SIPA1L3: variants seen among roughly 807,000 people sequenced by gnomAD.
The protein encoded by SIPA1L3 is signal-induced proliferation-associated 1-like protein 3.
SIPA1L3 carries 59 observed loss-of-function variants against 150.1 expected under a neutral mutation model. The ratio of observed to expected loss-of-function variants is 0.39; its 90% confidence interval spans 0.32 to 0.49. The LOEUF (loss-of-function observed/expected upper bound fraction) is 0.49, where lower values mean the gene tolerates loss of function less well. SIPA1L3 is among the 20% of genes least tolerant of loss of function. The pLI is 0.86. For synonymous variants in SIPA1L3, 1,070 were observed against 1,077.6 expected (o/e 0.99, Z 0.14); for missense variants, 2,211 against 2,489.5 (o/e 0.89, Z 2.38).
At chr19:38,120,698 A>C (rs928972207) in intron 9 of SIPA1L3, among the ~76,000 whole-genome samples, 2 of 152,224 alleles carry the variant, frequency 1.3e-5, no homozygotes, top group African/African-American at 4.8e-5. Flanking sequence ...CTCACAGTCT[A>C]GGTAGAAATC....
At chr19:38,108,121 T>C (rs1035559349) in intron 7 of SIPA1L3, among the ~76,000 whole-genome samples, 15 of 152,170 alleles carry the variant, frequency 9.9e-5, no homozygotes, top group African/African-American at 2.9e-4. Context: ...CTGTGTAAAA[T>C]GGGTATAATC....
chr19:38,088,977 A>G (rs1039450833), intron 4 of SIPA1L3, 126 bp downstream of exon 4: 3 of 982,370 alleles, frequency 3.1e-6, no homozygotes, highest in African/African-American at 3.3e-5. Flanking sequence ...CGGGAGAGCA[A>G]TCCTGTTAGT....
rs142462935 is a variant in SIPA1L3 at position 38,101,136 on chromosome 19, G to A, written c.1939G>A (p.Gly647Ser). 27 of 1,609,322 alleles carry A rather than the reference G, an allele frequency of 1.7e-5. No individual in the cohort carries two copies. Among genetic ancestry groups the A allele is most frequent in the South Asian group, 5.5e-5 (5 of 90,206 alleles). The change falls in exon 6 of 22, where the codon GGC becomes AGC. Residue 647 changes from glycine (G) to serine (S), a missense_variant. Physicochemically the swap from Gly to Ser is moderately conservative, Grantham distance 56. This residue lies in a region of SIPA1L3 where 625 missense variants were observed against 804.2 expected (regional missense o/e 0.78). Coordinates refer to ENST00000222345, the MANE Select transcript of SIPA1L3 (RefSeq NM_015073.3). Reference sequence around the variant, plus strand: ...GGAGATGTACAACAATGAGGAGGCCGGCCCCGCCTTTGAGGAGTTCCTCTC... The same window carrying A: ...GGAGATGTACAACAATGAGGAGGCCAGCCCCGCCTTTGAGGAGTTCCTCTC... Reference protein sequence around the residue: ...EEEMYNNEEAGPAFEEFLSLI... With the variant: ...EEEMYNNEEASPAFEEFLSLI...
At chr19:37,941,542 A>T (rs773461638) in intron 1 of SIPA1L3, among the ~76,000 whole-genome samples, 11 of 149,558 alleles carry the variant, frequency 7.4e-5, no homozygotes, top group Non-Finnish European at 1.2e-4. Flanking sequence ...ACCACTGCTC[A>T]TACCCTGTCC....
chr19:38,118,791 C>CATA (rs1568559283), intron 8 of SIPA1L3, among the ~76,000 whole-genome samples: 1 of 152,110 alleles, frequency 6.6e-6, no homozygotes, highest in Non-Finnish European at 1.5e-5. Flanking sequence ...GCCTCAGCCT[C>CATA]CCAAAGTGCT....
chr19:38,044,112 C>T lies in SIPA1L3; in HGVS notation c.-311+14956C>T, dbSNP rs578091884. 1.7e-4 allele frequency among the ~76,000 whole-genome samples: 26 copies of T among 152,206 alleles called. No individual in the cohort carries two copies. In the East Asian group the frequency reaches 2.9e-3, roughly 17 times the overall value. On this transcript the variant is annotated intron_variant, in intron 2 of 21. Coordinates refer to ENST00000222345, the MANE Select transcript of SIPA1L3 (RefSeq NM_015073.3). ...GAGAAAGAGAGGGGGCTAGGATGAC[C>T]CTGAGGTTTGGGCCTGGACACCAGC...
chr19:38,133,350 C>T (rs779739364), intron 10 of SIPA1L3, among the ~76,000 whole-genome samples: 5 of 152,228 alleles, frequency 3.3e-5, no homozygotes, highest in African/African-American at 1.2e-4. Context: ...TTCTGTCATT[C>T]CTTCTTCATA....
chr19:38,058,013 A>G (rs1969362245), intron 2 of SIPA1L3, among the ~76,000 whole-genome samples: 1 of 151,912 alleles, frequency 6.6e-6, no homozygotes, highest in Non-Finnish European at 1.5e-5. Flanking sequence ...AGGGATCACC[A>G]CTGGGAACAT....
intron 1 of SIPA1L3, among the ~76,000 whole-genome samples, chr19:37,974,506 C>T (rs539199286): frequency 7.8e-5 from 11 of 141,476 alleles, no homozygotes; most frequent in African/African-American, 2.5e-4. Context: ...AGAGTGAGAC[C>T]GTGTCTCAAA....
chr19:38,101,092 C>G lies in SIPA1L3; in HGVS notation c.1895C>G (p.Ala632Gly). Residue 632 changes from alanine to glycine, a missense_variant, in exon 6 of 22, where the codon GCC (alanine) becomes GGC (glycine). Around this residue, in one of 5 missense-constraint regions of SIPA1L3, gnomAD observed 625 missense variants for 804.2 expected, o/e 0.78. Transcript: ENST00000222345. ...AAGGTGGGCATCCTCTATTGCAAGG[C>G]CGGCCAGAGCTCCGAGGAGGAGATG... Reference protein sequence around the residue: ...KHKVGILYCKAGQSSEEEMYN... With the variant: ...KHKVGILYCKGGQSSEEEMYN... 6.3e-7 allele frequency: 1 copy of G among 1,595,834 alleles called. No individual in the cohort carries two copies. The highest frequency in any genetic ancestry group is 1.1e-5 in the South Asian group (1 of 88,938).
intron 1 of SIPA1L3, among the ~76,000 whole-genome samples, chr19:37,944,292 A>G (rs1396598803): frequency 2.6e-5 from 4 of 151,424 alleles, no homozygotes. Context: ...AAAAAAAAAA[A>G]GCATGAAGAT....
intron 1 of SIPA1L3, among the ~76,000 whole-genome samples, chr19:37,924,065 C>T (rs2046480160): frequency 6.6e-6 from 1 of 152,222 alleles, no homozygotes; most frequent in African/African-American, 2.4e-5. Context: ...TGAGCCGCTG[C>T]ACCTGGCCTT....
intron 2 of SIPA1L3, among the ~76,000 whole-genome samples, chr19:38,050,108 A>G (rs1969155171): frequency 6.6e-6 from 1 of 152,210 alleles, no homozygotes; most frequent in African/African-American, 2.4e-5. Context: ...TAATAGTAGT[A>G]TCTATATTGT....
intron 1 of SIPA1L3, among the ~76,000 whole-genome samples, chr19:37,927,650 AT>A (rs2046516238): frequency 1.0e-5 from 1 of 96,570 alleles, no homozygotes; most frequent in Non-Finnish European, 2.0e-5. Flanking sequence ...GAATAAGAAC[AT>A]GGGGTGTGTG....
chr19:38,012,252 A>G (rs541117099), intron 1 of SIPA1L3, among the ~76,000 whole-genome samples: 8 of 151,566 alleles, frequency 5.3e-5, no homozygotes, highest in African/African-American at 1.7e-4. Context: ...TGTCCAGCTG[A>G]TATTTTTTTT....
At chr19:38,182,762 G>A (rs1972587647) in intron 16 of SIPA1L3, 22 bp downstream of exon 16, 7 of 1,574,780 alleles carry the variant, frequency 4.4e-6, no homozygotes, top group African/African-American at 1.4e-5. Flanking sequence ...GACGTCCAGC[G>A]AGGCGCCCGC....
At chr19:38,125,682 C>A (rs944918408) in intron 9 of SIPA1L3, among the ~76,000 whole-genome samples, 11 of 152,184 alleles carry the variant, frequency 7.2e-5, no homozygotes, top group African/African-American at 2.7e-4. Flanking sequence ...GAAGCACCCA[C>A]AGGGTACAGA....
At chr19:37,914,431 A>G (rs2046400106) in intron 1 of SIPA1L3, among the ~76,000 whole-genome samples, 1 of 149,182 alleles carries the variant, frequency 6.7e-6, no homozygotes, top group African/African-American at 2.5e-5. Context: ...GTGCAGTGGC[A>G]TGATCTCAGC....
intron 2 of SIPA1L3, among the ~76,000 whole-genome samples, chr19:38,066,774 C>T (rs1212596841): frequency 6.7e-6 from 1 of 150,012 alleles, no homozygotes; most frequent in Non-Finnish European, 1.5e-5. Context: ...TTCAGTGAGC[C>T]GAGATCACGC....
Sources: gnomAD v4.1 joint callset for allele counts (sites outside exome capture counted in the v4.1 genomes callset) on GRCh38, gnomAD v4.1.1 for gene constraint, gnomAD v4.1.1 regional missense constraint, MANE v1.5 for transcripts, NCBI Gene and HGNC (gene_info 2026-07-23, HGNC 2026-07-21) for gene names.